KIF26B: variants seen among roughly 807,000 people sequenced by gnomAD.
KIF26B encodes the protein kinesin family member 26B.
In KIF26B, 63 loss-of-function variants were observed where a neutral mutation model predicts 151.2. The observed-to-expected ratio is 0.42, with a 90% CI of 0.34 to 0.51. The LOEUF is 0.51. KIF26B is among the 20% of genes least tolerant of loss of function. The pLI is 0.07. For synonymous variants in KIF26B, 1,357 were observed against 1,262.1 expected (o/e 1.08, Z -1.59); for missense variants, 2,813 against 2,913.6 (o/e 0.97, Z 0.79).
chr1:245,527,818 C>T (rs1661273593), intron 4 of KIF26B, among the ~76,000 whole-genome samples: 1 of 151,792 alleles, frequency 6.6e-6, no homozygotes, highest in Admixed American at 6.6e-5. Flanking sequence ...CAGACGTGAG[C>T]CACCGCGCCC....
chr1:245,585,231 C>T (rs914276072), intron 5 of KIF26B, among the ~76,000 whole-genome samples: 3 of 152,230 alleles, frequency 2.0e-5, no homozygotes, highest in African/African-American at 7.2e-5. Flanking sequence ...TTAAACTATG[C>T]ACCGTTCTTG....
intron 2 of KIF26B, among the ~76,000 whole-genome samples, chr1:245,163,364 A>G (rs951947017): frequency 2.0e-5 from 3 of 151,590 alleles, no homozygotes; most frequent in African/African-American, 7.3e-5. Context: ...CTGGTCTTGA[A>G]CTCCTGACCT....
intron 2 of KIF26B, among the ~76,000 whole-genome samples, chr1:245,246,940 G>C (rs547711071): frequency 1.1e-4 from 16 of 141,104 alleles, no homozygotes; most frequent in African/African-American, 4.0e-4. Flanking sequence ...GACACACACA[G>C]ATACAGACAC....
chr1:245,341,243 T>G (rs928253587), intron 2 of KIF26B, among the ~76,000 whole-genome samples: 8 of 151,438 alleles, frequency 5.3e-5, no homozygotes, highest in African/African-American at 1.9e-4. Context: ...TTCTTCAGTC[T>G]GTTTCTGAGA....
intron 4 of KIF26B, among the ~76,000 whole-genome samples, chr1:245,527,523 G>GTTTTTTTTTTTTTTTTTTTT (rs1219756621): frequency 2.5e-5 from 1 of 40,528 alleles, no homozygotes; most frequent in African/African-American, 9.0e-5. Flanking sequence ...CTTTGGGATG[G>GTTTTTTTTTTTTTTTTTTTT]CTTTTTTTTT....
chr1:245,516,213 T>C lies in KIF26B; in HGVS notation c.1167-24554T>C, dbSNP rs1025344995. Among the ~76,000 whole-genome samples the C allele has an allele frequency of 4.6e-5, 7 of 152,292 alleles. No individual in the cohort carries two copies. The highest frequency in any genetic ancestry group is 7.4e-5 in the Non-Finnish European group (5 of 68,026). On this transcript the variant is annotated intron_variant, in intron 4 of 14. Coordinates refer to ENST00000407071, the MANE Select transcript of KIF26B (RefSeq NM_018012.4). The surrounding 1 kb of genome is among the most constrained non-coding windows in gnomAD (Gnocchi z 4.2). ...CTTTTTATCAGCAGAATGGTACATT[T>C]CCCATAGCAATGCTTGAACTCTGGT...
intron 2 of KIF26B, among the ~76,000 whole-genome samples, chr1:245,197,367 C>T (rs1669213860): frequency 6.6e-6 from 1 of 152,160 alleles, no homozygotes; most frequent in Non-Finnish European, 1.5e-5. Flanking sequence ...CCAGGAAGAT[C>T]TGAGGAGGGG....
intron 10 of KIF26B, among the ~76,000 whole-genome samples, chr1:245,678,634 A>C (rs531118072): frequency 3.9e-5 from 6 of 152,098 alleles, no homozygotes; most frequent in South Asian, 2.1e-4. Flanking sequence ...GAGGCCAAGG[A>C]GGGAGGATCA....
At chr1:245,410,130 C>A (rs1223275067) in intron 3 of KIF26B, among the ~76,000 whole-genome samples, 8 of 152,196 alleles carry the variant, frequency 5.3e-5, no homozygotes, top group Non-Finnish European at 1.5e-5. Context: ...CTTTCCCCTG[C>A]CCATCTCCTC....
At chr1:245,360,977 A>G (rs1354265699) in intron 2 of KIF26B, among the ~76,000 whole-genome samples, 1 of 152,224 alleles carries the variant, frequency 6.6e-6, no homozygotes, top group African/African-American at 2.4e-5. Context: ...AGCCTGGGCA[A>G]GAGAGAAAGA....
chr1:245,204,958 T>G (rs1294924757), intron 2 of KIF26B, among the ~76,000 whole-genome samples: 2 of 151,818 alleles, frequency 1.3e-5, no homozygotes, highest in Admixed American at 1.3e-4. Flanking sequence ...TTTTTAACAA[T>G]TTCTTTTTGT....
chr1:245,187,059 G>A (rs967470593), intron 2 of KIF26B, among the ~76,000 whole-genome samples: 2 of 152,152 alleles, frequency 1.3e-5, no homozygotes, highest in African/African-American at 4.8e-5. Flanking sequence ...GTTTCACCAT[G>A]TTGGCCAGGA....
chr1:245,406,794 T>G (rs988371464), intron 3 of KIF26B, among the ~76,000 whole-genome samples: 9 of 152,202 alleles, frequency 5.9e-5, no homozygotes, highest in South Asian at 2.1e-4. Context: ...TATTACTTAT[T>G]ATTATTTTTT....
chr1:245,434,572 A>C (rs573871448), intron 4 of KIF26B, among the ~76,000 whole-genome samples: 58 of 152,260 alleles, frequency 3.8e-4, no homozygotes, highest in Non-Finnish European at 6.5e-4. Flanking sequence ...TATGGTTCTC[A>C]AGGCCCAGCA....
At chr1:245,302,162 T>C (rs1671437424) in intron 2 of KIF26B, among the ~76,000 whole-genome samples, 1 of 152,374 alleles carries the variant, frequency 6.6e-6, no homozygotes, top group East Asian at 1.9e-4. Context: ...GCATTTCTAA[T>C]GAATGTGACA....
At chr1:245,613,025 C>T (rs767798351) in intron 9 of KIF26B, among the ~76,000 whole-genome samples, 1 of 152,148 alleles carries the variant, frequency 6.6e-6, no homozygotes, top group Non-Finnish European at 1.5e-5. Context: ...GCAAAGTGGT[C>T]TGTTGATTTC....
At chr1:245,246,698 G>A (rs2941277) in intron 2 of KIF26B, among the ~76,000 whole-genome samples, 143,367 of 152,258 alleles carry the variant, frequency 0.94, 68,094 homozygotes, top group East Asian at 1. Context: ...CCATGCCACA[G>A]AGTTGTTAAA....
rs1440353135 is a variant in KIF26B, at chr1:245,481,677, T to C, written c.1167-59090T>C. ...CCATAAAGACAAGGAAGAGATTTCCTTTTTCAACAAGTGAGGACAGATGTG... is the reference window on the plus strand; with the variant it reads ...CCATAAAGACAAGGAAGAGATTTCCCTTTTCAACAAGTGAGGACAGATGTG... On this transcript the variant is annotated intron_variant, in intron 4 of 14. Transcript: ENST00000407071. Among the ~76,000 whole-genome samples the C allele has an allele frequency of 9.2e-5, 14 of 151,930 alleles. 1 individual carries two copies. Among genetic ancestry groups the C allele is most frequent in the Admixed American group, 9.2e-4 (14 of 15,248 alleles).
At position 245,263,669 on chromosome 1, in the gene KIF26B, C is replaced by T. The variant is rs1050586892; in HGVS notation, c.466-103165C>T. On this transcript the variant is annotated intron_variant, in intron 2 of 14. Transcript: ENST00000407071. The stretch of plus-strand genomic sequence containing the variant: ...TATAGACTATTAGGCTTCCTAGACC[C>T]CTTGGGAGACATGGGACTTGCCAGA... Among the ~76,000 whole-genome samples, 4 of 152,302 alleles carry T rather than the reference C, an allele frequency of 2.6e-5. No individual in the cohort carries two copies. The South Asian group carries it at 6.2e-4, about 24-fold the overall frequency.
Sources: gnomAD v4.1 joint callset for allele counts (sites outside exome capture counted in the v4.1 genomes callset) on GRCh38, gnomAD v4.1.1 for gene constraint, Gnocchi (gnomAD v3.1) non-coding constraint, MANE v1.5 for transcripts, NCBI Gene and HGNC (gene_info 2026-07-23, HGNC 2026-07-21) for gene names.